Variants in ATG16L2 observed in about 807,000 individuals in gnomAD.
The protein encoded by ATG16L2 is autophagy related 16 like 2, also known as protein Atg16l2.
In ATG16L2, 77 loss-of-function variants were observed where a neutral mutation model predicts 84.7. The ratio of observed to expected loss-of-function variants is 0.91; its 90% CI spans 0.76 to 1.10. The LOEUF is 1.10. ATG16L2 is among the 50% of genes least tolerant of loss of function. The pLI, the probability that ATG16L2 is intolerant of heterozygous loss-of-function variation, is 0.00. For synonymous variants in ATG16L2, 361 were observed against 342.8 expected (o/e 1.05, Z -0.59); for missense variants, 782 against 817.6 (o/e 0.96, Z 0.53).
At chr11:72,838,630 A>T (rs914810812) in intron 5 of ATG16L2, 8 of 608,708 alleles carry the variant, frequency 1.3e-5, no homozygotes, top group Non-Finnish European at 2.3e-5. Flanking sequence ...GAAATATTCA[A>T]AACGTGGGAG....
chr11:72,814,620 G>C (rs1591288803), intron 1 of ATG16L2, 57 bp downstream of exon 1: 2 of 1,433,356 alleles, frequency 1.4e-6, no homozygotes, highest in Non-Finnish European at 1.9e-6. Context: ...CTACGGGCGC[G>C]GGGAGAGGGT....
intron 5 of ATG16L2, chr11:72,841,727 G>A (rs903979541): frequency 2.2e-5 from 18 of 803,016 alleles, no homozygotes; most frequent in Non-Finnish European, 3.2e-5. Flanking sequence ...AGGCAACTGA[G>A]CATTAAATAA....
At chr11:72,826,852 C>G in intron 13 of ATG16L2, 29 bp downstream of exon 13, 4 of 1,608,492 alleles carry the variant, frequency 2.5e-6, no homozygotes, top group Non-Finnish European at 2.5e-6. Context: ...CCCACCTCTC[C>G]TCCCCACCAG....
chr11:72,814,719 GCC>G (rs749015524), intron 1 of ATG16L2, among the ~76,000 whole-genome samples, 156 bp downstream of exon 1: 1 of 152,298 alleles, frequency 6.6e-6, no homozygotes, highest in East Asian at 1.9e-4. Flanking sequence ...CCAGGACTCC[GCC>G]CCTTGCCATC....
chr11:72,826,058 C>G lies in ATG16L2; in HGVS notation c.1103-115C>G, dbSNP rs567610776. The G allele has an allele frequency of 6.0e-6, 5 of 829,682 alleles. No individual in the cohort carries two copies. In the East Asian group the frequency reaches 1.1e-4, roughly 18 times the overall value. 51.4% of individuals were successfully genotyped at this position (829,682 alleles called of 1,614,324 possible). A position where few individuals can be genotyped will look rare whatever the true frequency, so the allele number is the denominator to read the frequency against. On this transcript the variant is annotated intron_variant, in intron 10 of 17. Transcript: ENST00000321297. Reference sequence around the variant, plus strand: ...CAGACCCAGCGATTCTGTCTTCTAACCTGGGGATGTGTCGGGGGGTGGGGC... The same window carrying G: ...CAGACCCAGCGATTCTGTCTTCTAAGCTGGGGATGTGTCGGGGGGTGGGGC...
intron 5 of ATG16L2, among the ~76,000 whole-genome samples, chr11:72,835,233 T>TG (rs1860699530): frequency 6.6e-6 from 1 of 152,236 alleles, no homozygotes; most frequent in African/African-American, 2.4e-5. Flanking sequence ...TGACATTTCG[T>TG]GTCCTGACAG....
In ATG16L2 at chr11:72,824,760, T is replaced by A. The variant is rs199726953; in HGVS notation, c.914T>A (p.Ile305Asn). The A allele has an allele frequency of 1.2e-6, 2 of 1,613,770 alleles. No homozygotes were observed. The highest frequency in any genetic ancestry group is 1.7e-6 in the Non-Finnish European group (2 of 1,179,854). The stretch of plus-strand genomic sequence containing the variant: ...TTTAAGAAGAGGAGAGGTCACTCAA[T>A]TGGGGGAGCCCCTGAGCAGCGATAC... ...LDFKKRRGHSIGGAPEQRYQI... is the reference protein window; with the variant it reads ...LDFKKRRGHSNGGAPEQRYQI... The change falls in exon 9 of 18, where the codon ATT becomes AAT. Residue 305 changes from isoleucine to asparagine, a missense_variant. Physicochemically the swap from Ile to Asn is moderately radical, Grantham distance 149. Coordinates refer to ENST00000321297, the MANE Select transcript of ATG16L2 (RefSeq NM_033388.2).
chr11:72,843,237 A>G (rs918639119), exon 6 of ATG16L2: 1 of 1,614,042 alleles, frequency 6.2e-7, no homozygotes, highest in Non-Finnish European at 8.5e-7. Flanking sequence ...CAAAGCGGCC[A>G]GGGACTGCAG....
At chr11:72,830,625 A>G (rs1240384140), downstream of ATG16L2, among the ~76,000 whole-genome samples, 1 of 152,206 alleles carries the variant, frequency 6.6e-6, no homozygotes, top group Non-Finnish European at 1.5e-5. Flanking sequence ...GCACAGCACC[A>G]TGCTCGGCCC....
downstream of ATG16L2, among the ~76,000 whole-genome samples, chr11:72,833,763 A>T (rs1191980883): frequency 6.6e-6 from 1 of 152,002 alleles, no homozygotes; most frequent in Admixed American, 6.6e-5. Flanking sequence ...TCTACTAAAA[A>T]TACAAAAAAA....
chr11:72,823,153 C>T lies in ATG16L2; in HGVS notation c.824+192C>T, dbSNP rs190522629. The T allele has an allele frequency of 2.3e-5, 12 of 529,746 alleles. 1 individual carries two copies. The Admixed American group carries it at 4.1e-4, about 18-fold the overall frequency. The allele number at this position is 529,746 out of a possible 1,614,324, so 32.8% of individuals were successfully genotyped here. The stretch of plus-strand genomic sequence containing the variant: ...GCCACTTGGGGTCAGTTCCATCTCA[C>T]CCCCCCAACCCCTACCCTCAACCCT... On this transcript the variant is annotated intron_variant, in intron 7 of 17. Coordinates refer to ENST00000321297, the MANE Select transcript of ATG16L2 (RefSeq NM_033388.2).
chr11:72,830,112 C>G (rs1458745165), downstream of ATG16L2, among the ~76,000 whole-genome samples: 2 of 152,170 alleles, frequency 1.3e-5, no homozygotes, highest in African/African-American at 4.8e-5. Flanking sequence ...CTCTGTGTGT[C>G]TGTGCCTGGG....
Position 72,826,537 on chromosome 11 carries a change from C to G in ATG16L2, c.1193C>G (p.Ala398Gly), listed in dbSNP as rs369120388. 5 of 1,614,028 alleles carry G rather than the reference C, an allele frequency of 3.1e-6. No individual in the cohort carries two copies. Among genetic ancestry groups the G allele is most frequent in the Non-Finnish European group, 4.2e-6 (5 of 1,180,026 alleles). ...CTCCAGGGCTACCAGGTTTTAGCAGCAACTTACAACCAGGCTGCCCAGCTC... is the reference window on the plus strand; with the variant it reads ...CTCCAGGGCTACCAGGTTTTAGCAGGAACTTACAACCAGGCTGCCCAGCTC... Reference protein sequence around the residue: ...FDPSGYQVLAATYNQAAQLWK... With the variant: ...FDPSGYQVLAGTYNQAAQLWK... Residue 398 changes from alanine (A) to glycine (G), a missense_variant, in exon 12 of 18, where the codon GCA becomes GGA. Ala to Gly is a moderately conservative substitution (Grantham distance 60). Transcript: ENST00000321297.
chr11:72,826,037 C>G, intron 10 of ATG16L2, 136 bp from the exon 11 acceptor site: 1 of 701,020 alleles, frequency 1.4e-6, no homozygotes, highest in South Asian at 1.8e-5. Context: ...GCAGAACAGA[C>G]CCAGCGATTC....
Position 72,822,203 on chromosome 11 carries a change from C to T in ATG16L2, c.552C>T (p.Leu184=). 1 of 1,505,860 alleles carries T rather than the reference C, an allele frequency of 6.6e-7. No homozygotes were observed. The highest frequency in any genetic ancestry group is 8.8e-7 in the Non-Finnish European group (1 of 1,136,806). 93.3% of individuals were successfully genotyped at this position (1,505,860 alleles called of 1,614,324 possible). The change falls in exon 5 of 18, where the codon CTC becomes CTT. Residue 184 remains leucine (L), a synonymous_variant. Coordinates refer to ENST00000321297, the MANE Select transcript of ATG16L2 (RefSeq NM_033388.2). The surrounding 1 kb of genome is among the most constrained non-coding windows in gnomAD (Gnocchi z 4.2). ...TCCGGGAGGCGGCACTGCGCAGGCT[C>T]CAGGAAGAGGCGCGCGACCTGCTGG... ...VGLREAALRR[L]QEEARDLLER...
At chr11:72,833,930 A>T (rs902103581), downstream of ATG16L2, among the ~76,000 whole-genome samples, 5 of 130,516 alleles carry the variant, frequency 3.8e-5, no homozygotes, top group Non-Finnish European at 6.6e-5. Flanking sequence ...TCAAAAAAAA[A>T]AATTTTTTTT....
intron 1 of ATG16L2, chr11:72,816,437 A>G: frequency 2.9e-6 from 1 of 349,508 alleles, no homozygotes; most frequent in Non-Finnish European, 5.4e-6. Flanking sequence ...TCCTTCCCTC[A>G]GGACCCTCAG....
chr11:72,815,439 ACTT>A (rs932095388), intron 1 of ATG16L2, among the ~76,000 whole-genome samples: 1 of 151,988 alleles, frequency 6.6e-6, no homozygotes, highest in African/African-American at 2.4e-5. Flanking sequence ...CAGCAGCCAC[ACTT>A]CTCCACTGCT....
At chr11:72,842,946 A>G (rs1861006834) in exon 6 of ATG16L2, 1 of 980,922 alleles carries the variant, frequency 1.0e-6, no homozygotes, top group Admixed American at 2.6e-5. Context: ...CATACAGAAT[A>G]GGATTAAAGT....
Sources: allele counts gnomAD v4.1 joint callset (sites outside exome capture counted in the v4.1 genomes callset), GRCh38; gene constraint gnomAD v4.1.1; non-coding constraint Gnocchi (gnomAD v3.1); transcripts MANE v1.5; gene names NCBI Gene and HGNC (gene_info 2026-07-23, HGNC 2026-07-21).